NLGN1: variants seen among roughly 807,000 people sequenced by gnomAD.
The protein encoded by NLGN1 is neuroligin 1.
NLGN1 carries 12 observed loss-of-function variants against 65.5 expected under a neutral mutation model. The observed-to-expected ratio is 0.18, with a 90% CI of 0.12 to 0.30. The LOEUF is 0.30. Ranked by LOEUF, NLGN1 falls within the 10% of genes least tolerant of loss-of-function variation. NLGN1 has a pLI of 1.00. For synonymous variants in NLGN1, 350 were observed against 359.5 expected, an observed-to-expected ratio of 0.97 and a Z score of 0.30; for missense variants, 750 against 1,007.1, an observed-to-expected ratio of 0.74 and a Z score of 3.46.
At chr3:173,818,179 AAGTC>A (rs1475382346) in intron 4 of NLGN1, among the ~76,000 whole-genome samples, 2 of 152,220 alleles carry the variant, frequency 1.3e-5, no homozygotes, top group Admixed American at 6.5e-5. Flanking sequence ...AATGTTAAAA[AAGTC>A]AGCCTCAATC....
chr3:173,587,614 C>T (rs1747720537), intron 2 of NLGN1, among the ~76,000 whole-genome samples: 1 of 152,092 alleles, frequency 6.6e-6, no homozygotes. Flanking sequence ...TTAAAAAGAA[C>T]ATGGTAGCCT....
chr3:174,119,496 G>A (rs1349721302), intron 4 of NLGN1, among the ~76,000 whole-genome samples: 2 of 152,072 alleles, frequency 1.3e-5, no homozygotes, highest in Non-Finnish European at 2.9e-5. Context: ...TGGCTAAATA[G>A]TTTCATTTCA....
At chr3:173,554,284 G>A (rs1290007115) in intron 2 of NLGN1, among the ~76,000 whole-genome samples, 1 of 152,084 alleles carries the variant, frequency 6.6e-6, no homozygotes, top group African/African-American at 2.4e-5. Flanking sequence ...CTTTCTGTAT[G>A]TTTAGAAGCA....
intron 4 of NLGN1, among the ~76,000 whole-genome samples, chr3:174,227,186 T>C (rs754873742): frequency 5.2e-4 from 79 of 152,212 alleles, no homozygotes; most frequent in Non-Finnish European, 8.7e-4. Flanking sequence ...CACAAAGCCA[T>C]GTTTATTACC....
intron 3 of NLGN1, among the ~76,000 whole-genome samples, chr3:173,630,461 A>G (rs888322147): frequency 1.3e-5 from 2 of 152,142 alleles, no homozygotes; most frequent in Admixed American, 1.3e-4. Flanking sequence ...GGAAAAAGAA[A>G]AGCTTTATTA....
At chr3:174,016,315 G>A (rs911137612) in intron 4 of NLGN1, among the ~76,000 whole-genome samples, 6 of 152,174 alleles carry the variant, frequency 3.9e-5, no homozygotes, top group African/African-American at 1.4e-4. Flanking sequence ...ATATGGGCCA[G>A]ACTCTAAAAG....
intron 2 of NLGN1, among the ~76,000 whole-genome samples, chr3:173,454,156 GGTCTTAACA>G (rs1452178478): frequency 6.6e-6 from 1 of 152,160 alleles, no homozygotes; most frequent in Non-Finnish European, 1.5e-5. Flanking sequence ...CTGAACAGCA[GGTCTTAACA>G]GTGGGCTTAA....
At chr3:174,247,487 G>A (rs1744017792) in intron 4 of NLGN1, among the ~76,000 whole-genome samples, 1 of 152,118 alleles carries the variant, frequency 6.6e-6, no homozygotes, top group African/African-American at 2.4e-5. Flanking sequence ...CTTTTAACAG[G>A]TCTTTCTTCT....
intron 4 of NLGN1, among the ~76,000 whole-genome samples, chr3:174,168,729 G>A (rs1422960305): frequency 6.7e-6 from 1 of 150,220 alleles, no homozygotes; most frequent in Non-Finnish European, 1.5e-5. Context: ...GGTGGTGTGG[G>A]CAGGGAGCCA....
At chr3:173,891,798 C>A (rs1735388826) in intron 4 of NLGN1, among the ~76,000 whole-genome samples, 1 of 152,152 alleles carries the variant, frequency 6.6e-6, no homozygotes, top group Admixed American at 6.6e-5. Flanking sequence ...CCTAATGATA[C>A]AAGAAACTCT....
chr3:173,791,168 A>G (rs1204247782), intron 3 of NLGN1, among the ~76,000 whole-genome samples: 1 of 152,136 alleles, frequency 6.6e-6, no homozygotes, highest in South Asian at 2.1e-4. Flanking sequence ...TAGTTTCTTA[A>G]TCATGCTACA....
chr3:173,742,084 G>T (rs572275333), intron 3 of NLGN1, among the ~76,000 whole-genome samples: 3 of 151,992 alleles, frequency 2.0e-5, no homozygotes, highest in Non-Finnish European at 4.4e-5. Context: ...AATAAGATTT[G>T]TTTCTTCCTT....
intron 4 of NLGN1, among the ~76,000 whole-genome samples, chr3:173,990,082 G>A (rs1168714515): frequency 2.0e-5 from 3 of 152,332 alleles, no homozygotes; most frequent in South Asian, 4.1e-4. Flanking sequence ...TAGTAAGCAA[G>A]AAGTGGGAAT....
intron 4 of NLGN1, among the ~76,000 whole-genome samples, chr3:174,120,823 G>A (rs1055070468): frequency 1.3e-5 from 2 of 152,166 alleles, no homozygotes; most frequent in African/African-American, 2.4e-5. Flanking sequence ...TCTTGGCCAA[G>A]TTATCACAAC....
At chr3:173,887,366 A>G (rs553191635) in intron 4 of NLGN1, among the ~76,000 whole-genome samples, 2 of 152,106 alleles carry the variant, frequency 1.3e-5, no homozygotes, top group African/African-American at 4.8e-5. Context: ...TGTAGCTAAC[A>G]ACTTGATCGT....
chr3:173,601,287 C>T (rs1307060270), intron 2 of NLGN1, among the ~76,000 whole-genome samples: 2 of 151,942 alleles, frequency 1.3e-5, no homozygotes, highest in Non-Finnish European at 2.9e-5. Context: ...TTTTGTCAAA[C>T]TTGCTGTAGT....
intron 4 of NLGN1, among the ~76,000 whole-genome samples, chr3:173,930,002 C>T (rs1447534453): frequency 6.6e-6 from 1 of 152,156 alleles, no homozygotes; most frequent in East Asian, 1.9e-4. Context: ...CCACGCCTGG[C>T]CAAGCTTCTT....
chr3:173,465,024 T>C (rs777367498), intron 2 of NLGN1, among the ~76,000 whole-genome samples: 1 of 152,218 alleles, frequency 6.6e-6, no homozygotes, highest in Admixed American at 6.5e-5. Flanking sequence ...CTATATTAAT[T>C]CACCTGTAGA....
chr3:173,629,623 T>G (rs1755363940), intron 3 of NLGN1, among the ~76,000 whole-genome samples: 1 of 152,248 alleles, frequency 6.6e-6, no homozygotes. Flanking sequence ...GAAAGGTTAT[T>G]TGACACTTGG....
Sources: gnomAD v4.1 joint callset for allele counts (sites outside exome capture counted in the v4.1 genomes callset) on GRCh38, gnomAD v4.1.1 for gene constraint, MANE v1.5 for transcripts, NCBI Gene and HGNC (gene_info 2026-07-23, HGNC 2026-07-21) for gene names.